Variants in WWTR1 observed in about 807,000 individuals in gnomAD.
WWTR1 encodes WW domain-containing transcription regulator protein 1.
In WWTR1, 13 loss-of-function variants were observed where a neutral mutation model predicts 40.1. That is an observed-to-expected ratio of 0.32 (90% CI 0.21 to 0.52). The LOEUF is 0.52. Among genes scored for constraint, WWTR1 ranks in the 20% least tolerant of loss-of-function variants. The probability of loss-of-function intolerance (pLI) is 0.97; values close to 1 mark genes in which losing one functional copy is unlikely to be tolerated. For synonymous variants in WWTR1, 230 were observed against 210.1 expected, an observed-to-expected ratio of 1.09 and a Z score of -0.82; for missense variants, 436 against 523.1, an observed-to-expected ratio of 0.83 and a Z score of 1.63.
chr3:149,522,154 G>A (rs1735079662), intron 6 of WWTR1, among the ~76,000 whole-genome samples: 1 of 152,180 alleles, frequency 6.6e-6, no homozygotes, highest in Non-Finnish European at 1.5e-5. Flanking sequence ...ACTAAGGCCA[G>A]CTTCCACCAT....
intron 4 of WWTR1, among the ~76,000 whole-genome samples, chr3:149,534,123 T>C (rs574230676): frequency 6.6e-6 from 1 of 151,914 alleles, no homozygotes; most frequent in African/African-American, 2.4e-5. Context: ...TGAGCCAAGA[T>C]AGTGCCACTG....
chr3:149,597,748 T>C (rs529868221), intron 2 of WWTR1, among the ~76,000 whole-genome samples: 3 of 152,352 alleles, frequency 2.0e-5, no homozygotes, highest in African/African-American at 7.2e-5. Context: ...CTGGGAAAGA[T>C]GCTTGGAAGA....
chr3:149,684,740 T>A (rs1237327425), intron 1 of WWTR1, among the ~76,000 whole-genome samples: 1 of 152,110 alleles, frequency 6.6e-6, no homozygotes, highest in East Asian at 1.9e-4. Context: ...ATTTTTGTAT[T>A]TTTTGTAGAG....
intron 5 of WWTR1, among the ~76,000 whole-genome samples, chr3:149,527,605 TA>T (rs1169165705): frequency 6.6e-6 from 1 of 152,206 alleles, no homozygotes; most frequent in African/African-American, 2.4e-5. Flanking sequence ...AATTCTTGAC[TA>T]GGGGTTTACT....
At chr3:149,596,747 G>C (rs560363814) in intron 2 of WWTR1, among the ~76,000 whole-genome samples, 1 of 152,350 alleles carries the variant, frequency 6.6e-6, no homozygotes, top group East Asian at 1.9e-4. Flanking sequence ...CCGCTTACTA[G>C]CTGTGTGACT....
At chr3:149,589,579 C>A (rs987117516) in intron 2 of WWTR1, among the ~76,000 whole-genome samples, 3 of 151,914 alleles carry the variant, frequency 2.0e-5, no homozygotes, top group Non-Finnish European at 4.4e-5. Context: ...AGGATATAGA[C>A]CATCATAATT....
At chr3:149,720,845 A>G (rs917207806) in intron 4 of WWTR1, among the ~76,000 whole-genome samples, 6 of 152,128 alleles carry the variant, frequency 3.9e-5, no homozygotes, top group African/African-American at 1.4e-4. Context: ...TCCTTGGTAA[A>G]GTTAATTCCT....
intron 4 of WWTR1, among the ~76,000 whole-genome samples, chr3:149,532,967 C>A (rs754237668): frequency 2.6e-5 from 4 of 152,250 alleles, no homozygotes; most frequent in Non-Finnish European, 4.4e-5. Flanking sequence ...AAGGCCTCTG[C>A]CGCTGAGCAT....
rs1483005541 is a variant in WWTR1 at position 149,542,384 on chromosome 3, T to C, written c.722A>G (p.Gln241Arg). 1.9e-6 allele frequency: 3 copies of C among 1,614,114 alleles called. No individual in the cohort carries two copies. The highest frequency in any genetic ancestry group is 1.7e-6 in the Non-Finnish European group (2 of 1,179,972). ...QQQKLRLQRIQMERERIRMRQ... is the reference protein window; with the variant it reads ...QQQKLRLQRIRMERERIRMRQ... ...CATTCGAATCCTTTCTCTCTCCATCTGGATTCTCTGAAGCCGCAGTTTCTG... is the reference window on the plus strand; with the variant it reads ...CATTCGAATCCTTTCTCTCTCCATCCGGATTCTCTGAAGCCGCAGTTTCTG... The change falls in exon 4 of 7, where the codon CAG becomes CGG. Residue 241 changes from glutamine (Q) to arginine (R), a missense_variant. Gln to Arg is a conservative substitution (Grantham distance 43). Coordinates refer to ENST00000360632, the MANE Select transcript of WWTR1 (RefSeq NM_015472.6).
At chr3:149,560,421 G>A (rs988118113) in intron 3 of WWTR1, among the ~76,000 whole-genome samples, 1 of 152,212 alleles carries the variant, frequency 6.6e-6, no homozygotes, top group Non-Finnish European at 1.5e-5. Context: ...TAGGGAAGGT[G>A]TCCAGAAACC....
In WWTR1 at chr3:149,656,867, C is replaced by T; in HGVS notation, c.431+9G>A. ...ACTTGGTGCCTTCTTCGGCTCCAGG[C>T]TGACTTACTTGAGGAAGTACCTCTG... is the stretch of plus-strand genomic sequence containing the variant. On this transcript the variant is annotated intron_variant, in intron 2 of 6. Coordinates refer to ENST00000360632, the MANE Select transcript of WWTR1 (RefSeq NM_015472.6). The T allele has an allele frequency of 6.6e-7, 1 of 1,509,520 alleles. No homozygotes were observed. The highest frequency in any genetic ancestry group is 8.8e-7 in the Non-Finnish European group (1 of 1,137,412). 93.5% of individuals were successfully genotyped at this position (1,509,520 alleles called of 1,614,324 possible).
chr3:149,560,784 T>G (rs1477426448), intron 3 of WWTR1, among the ~76,000 whole-genome samples: 1 of 152,134 alleles, frequency 6.6e-6, no homozygotes, highest in Non-Finnish European at 1.5e-5. Context: ...TGGAATGAAA[T>G]GCATGACATG....
chr3:149,549,757 T>C (rs1576552549), intron 3 of WWTR1, among the ~76,000 whole-genome samples: 1 of 152,090 alleles, frequency 6.6e-6, no homozygotes, highest in East Asian at 1.9e-4. Flanking sequence ...GAGGATCACT[T>C]GAGCCCAGGA....
intron 2 of WWTR1, among the ~76,000 whole-genome samples, chr3:149,593,746 T>A (rs567453497): frequency 6.6e-6 from 1 of 152,242 alleles, no homozygotes; most frequent in African/African-American, 2.4e-5. Context: ...GGGGGAGCCA[T>A]TGAATGAAAC....
At position 149,573,144 on chromosome 3, in the gene WWTR1, A is replaced by AG. The variant is rs1737724557; in HGVS notation, c.432-145dup. On this transcript the variant is annotated intron_variant, in intron 2 of 6. Transcript: ENST00000360632. ...GATAGATTGTGCTTGGTTTCATCCA[A>AG]GGACATACTTGCCTATTTTTCCCTG... The AG allele has an allele frequency of 3.2e-6, 3 of 923,102 alleles. No homozygotes were observed. The Admixed American group carries it at 9.2e-5, about 28-fold the overall frequency. 57.2% of individuals were successfully genotyped at this position (923,102 alleles called of 1,614,324 possible).
intron 2 of WWTR1, among the ~76,000 whole-genome samples, chr3:149,666,729 CA>C (rs1462094758): frequency 6.6e-6 from 1 of 152,118 alleles, no homozygotes; most frequent in African/African-American, 2.4e-5. Flanking sequence ...TATGTCTTGC[CA>C]AAGGCCATTG....
At chr3:149,645,451 T>C (rs1712464561) in intron 2 of WWTR1, among the ~76,000 whole-genome samples, 1 of 152,172 alleles carries the variant, frequency 6.6e-6, no homozygotes, top group Non-Finnish European at 1.5e-5. Context: ...GGATTACAGG[T>C]ATGAGCCACT....
At chr3:149,538,125 G>A (rs987522348) in intron 4 of WWTR1, among the ~76,000 whole-genome samples, 6 of 151,994 alleles carry the variant, frequency 3.9e-5, no homozygotes, top group African/African-American at 1.2e-4. Context: ...TCACCATGTC[G>A]GCCAGGCTGG....
intron 1 of WWTR1, among the ~76,000 whole-genome samples, chr3:149,681,969 T>C (rs1017584957): frequency 1.3e-5 from 2 of 152,192 alleles, no homozygotes; most frequent in South Asian, 2.1e-4. Context: ...CTGTACAACA[T>C]TGTGCCTATA....
Sources: allele counts gnomAD v4.1 joint callset (sites outside exome capture counted in the v4.1 genomes callset), GRCh38; gene constraint gnomAD v4.1.1; transcripts MANE v1.5; gene names NCBI Gene and HGNC (gene_info 2026-07-23, HGNC 2026-07-21).